C8A: variants seen among roughly 807,000 people sequenced by gnomAD.
C8A encodes the protein complement component C8 alpha chain.
C8A carries 67 observed loss-of-function variants against 65.3 expected under a neutral mutation model. The ratio of observed to expected loss-of-function variants is 1.03; its 90% CI spans 0.84 to 1.26. The LOEUF is 1.26. Ranked by LOEUF, C8A falls within the 50% of genes most tolerant of loss-of-function variation. C8A has a pLI of 0.00. For synonymous variants in C8A, 290 were observed against 259.4 expected (o/e 1.12, Z -1.13); for missense variants, 781 against 723.9 (o/e 1.08, Z -0.90).
chr1:56,872,035 C>A (rs2101210038), intron 2 of C8A, among the ~76,000 whole-genome samples: 1 of 152,286 alleles, frequency 6.6e-6, no homozygotes, highest in African/African-American at 2.4e-5. Flanking sequence ...ACATGTACAA[C>A]AGATATGCTA....
chr1:56,877,422 C>A (rs1250893616), intron 4 of C8A, among the ~76,000 whole-genome samples: 1 of 152,116 alleles, frequency 6.6e-6, no homozygotes, highest in Admixed American at 6.6e-5. Flanking sequence ...AGCTCTTACC[C>A]AATAGGCTGG....
chr1:56,917,275 C>T (rs1644559977), intron 10 of C8A, among the ~76,000 whole-genome samples: 1 of 152,232 alleles, frequency 6.6e-6, no homozygotes, highest in African/African-American at 2.4e-5. Flanking sequence ...GGCCTTCCCT[C>T]CTCAGTAGCA....
chr1:56,882,454 A>G (rs922983879), intron 5 of C8A, among the ~76,000 whole-genome samples: 1 of 152,152 alleles, frequency 6.6e-6, no homozygotes, highest in Non-Finnish European at 1.5e-5. Flanking sequence ...ATCAAACTCT[A>G]CTGCAGTTGG....
chr1:56,867,845 T>C (rs528115770), intron 2 of C8A, 143 bp downstream of exon 2: 2 of 712,230 alleles, frequency 2.8e-6, no homozygotes, highest in East Asian at 2.7e-5. Context: ...CCATTATACA[T>C]GGATGGTGAA....
intron 6 of C8A, 61 bp from the exon 7 acceptor site, chr1:56,885,866 C>T: frequency 6.2e-7 from 1 of 1,610,938 alleles, no homozygotes; most frequent in Non-Finnish European, 8.5e-7. Context: ...TGCATTATTT[C>T]TAATGGTAAA....
Position 56,881,643 on chromosome 1 carries a change from G to A in C8A, c.654+9G>A, listed in dbSNP as rs1345351102. ...TGAAGTACCACTTTGAAGTAAGTCT[G>A]AACAGAGGGGCTCTGAGGCCACTGT... On this transcript the variant is annotated intron_variant, in intron 5 of 10. Transcript: ENST00000361249. 9 of 1,611,998 alleles carry A rather than the reference G, an allele frequency of 5.6e-6. No homozygotes were observed. Among genetic ancestry groups the A allele is most frequent in the Non-Finnish European group, 6.8e-6 (8 of 1,179,302 alleles).
intron 2 of C8A, among the ~76,000 whole-genome samples, chr1:56,873,662 T>G (rs746547765): frequency 1.3e-5 from 2 of 152,154 alleles, no homozygotes; most frequent in Non-Finnish European, 2.9e-5. Context: ...CTCTTGCTGC[T>G]CAAATCATTG....
intron 10 of C8A, among the ~76,000 whole-genome samples, chr1:56,915,056 AG>A: frequency 6.6e-6 from 1 of 152,324 alleles, no homozygotes; most frequent in East Asian, 1.9e-4. Flanking sequence ...CCTTCCTTAA[AG>A]GTTGTGTTGA....
At chr1:56,910,441 A>C (rs370572053) in intron 9 of C8A, among the ~76,000 whole-genome samples, 6 of 151,966 alleles carry the variant, frequency 3.9e-5, no homozygotes, top group African/African-American at 1.5e-4. Flanking sequence ...CCACCAGTCC[A>C]CCCTATGGAG....
intron 7 of C8A, among the ~76,000 whole-genome samples, chr1:56,900,934 T>C (rs977990676): frequency 6.6e-6 from 1 of 152,112 alleles, no homozygotes; most frequent in African/African-American, 2.4e-5. Context: ...CACTGGAACA[T>C]AGACATAGGG....
At chr1:56,893,340 T>C (rs1374831466) in intron 7 of C8A, among the ~76,000 whole-genome samples, 1 of 152,160 alleles carries the variant, frequency 6.6e-6, no homozygotes, top group Admixed American at 6.5e-5. Flanking sequence ...TTGATCAAGC[T>C]CTGTGAAATT....
intron 2 of C8A, among the ~76,000 whole-genome samples, chr1:56,869,469 T>C (rs1023484181): frequency 6.6e-6 from 1 of 152,250 alleles, no homozygotes; most frequent in Non-Finnish European, 1.5e-5. Flanking sequence ...TGAATTGTGC[T>C]GCTATAAACA....
chr1:56,906,785 C>T lies in C8A; in HGVS notation c.1215C>T (p.Gly405=). Residue 405 remains glycine (G), a synonymous_variant, in exon 8 of 11, where the codon GGC becomes GGT. Coordinates refer to ENST00000361249, the MANE Select transcript of C8A (RefSeq NM_000562.3). ...ACCATTGTAAAAAATTTGGAGGTGG[C>T]AAAACTGGCAAGTGTTTAGTAATAG... ...SGDHCKKFGG[G]KTERARKAMA... The T allele has an allele frequency of 6.2e-7, 1 of 1,613,950 alleles. No individual in the cohort carries two copies. Among genetic ancestry groups the T allele is most frequent in the Non-Finnish European group, 8.5e-7 (1 of 1,179,934 alleles).
chr1:56,900,514 C>T (rs1331237967), intron 7 of C8A, among the ~76,000 whole-genome samples: 1 of 152,178 alleles, frequency 6.6e-6, no homozygotes, highest in Non-Finnish European at 1.5e-5. Flanking sequence ...CCAGAGGTTA[C>T]ACTCTTAACC....
intron 1 of C8A, among the ~76,000 whole-genome samples, chr1:56,859,319 T>C (rs1287474369): frequency 6.6e-6 from 1 of 152,228 alleles, no homozygotes; most frequent in African/African-American, 2.4e-5. Context: ...TGCTAAGCAC[T>C]AGGGTACAAT....
intron 1 of C8A, among the ~76,000 whole-genome samples, chr1:56,860,142 C>A (rs946917096): frequency 2.0e-5 from 3 of 152,096 alleles, no homozygotes; most frequent in African/African-American, 7.2e-5. Flanking sequence ...GATATCAGAG[C>A]AATCTAAAGA....
intron 10 of C8A, among the ~76,000 whole-genome samples, chr1:56,916,248 G>T (rs1042646480): frequency 2.0e-5 from 3 of 152,236 alleles, no homozygotes; most frequent in Non-Finnish European, 2.9e-5. Flanking sequence ...AGGCAGTGCA[G>T]TTAGTTCATT....
intron 7 of C8A, among the ~76,000 whole-genome samples, chr1:56,901,813 C>A (rs1644428822): frequency 6.6e-6 from 1 of 152,164 alleles, no homozygotes; most frequent in Admixed American, 6.5e-5. Flanking sequence ...TTCTGACCCC[C>A]ACAGATGCCT....
chr1:56,861,478 A>T (rs1334881091), intron 1 of C8A, among the ~76,000 whole-genome samples: 1 of 152,100 alleles, frequency 6.6e-6, no homozygotes, highest in Admixed American at 6.6e-5. Context: ...CTACCACAAG[A>T]GCAGCACTAA....
Sources: gnomAD v4.1 joint callset for allele counts (sites outside exome capture counted in the v4.1 genomes callset) on GRCh38, gnomAD v4.1.1 for gene constraint, MANE v1.5 for transcripts, NCBI Gene and HGNC (gene_info 2026-07-23, HGNC 2026-07-21) for gene names.